Variants in IL5RA observed in about 807,000 individuals in gnomAD.
IL5RA encodes interleukin 5 receptor subunit alpha, also known as interleukin-5 receptor subunit alpha.
In IL5RA, 49 loss-of-function variants were observed where a neutral mutation model predicts 50.0. The observed-to-expected ratio is 0.98, with a 90% CI of 0.78 to 1.24. The LOEUF is 1.24. Among genes scored for constraint, IL5RA ranks in the 50% most tolerant of loss-of-function variants. IL5RA has a pLI of 0.00. For synonymous variants in IL5RA, 202 were observed against 174.0 expected (o/e 1.16, Z -1.26); for missense variants, 600 against 500.4 (o/e 1.20, Z -1.90).
At chr3:3,091,997 C>T (rs1703134659) in intron 9 of IL5RA, 7 of 1,224,684 alleles carry the variant, frequency 5.7e-6, no homozygotes, top group Non-Finnish European at 5.1e-6. Context: ...AAAACAGGCA[C>T]CAGGTCTAGG....
rs578208076 is a variant in IL5RA, at chr3:3,100,874, C to T, written c.367+818G>A. ...TATAACAAGTAAATGGGGCCGGACACGGTGGCTCATGTCTGTAACCCCAGC... is the reference window on the plus strand; with the variant it reads ...TATAACAAGTAAATGGGGCCGGACATGGTGGCTCATGTCTGTAACCCCAGC... On this transcript the variant is annotated intron_variant, in intron 5 of 11. Transcript: ENST00000446632. 4.6e-5 allele frequency among the ~76,000 whole-genome samples: 7 copies of T among 151,972 alleles called. No homozygotes were observed. The South Asian group carries it at 1.2e-3, about 27-fold the overall frequency.
intron 11 of IL5RA, among the ~76,000 whole-genome samples, chr3:3,074,089 A>G (rs1330824905): frequency 1.3e-5 from 2 of 152,270 alleles, no homozygotes; most frequent in Non-Finnish European, 2.9e-5. Flanking sequence ...TTGGAGAGCC[A>G]TAACTAAGTG....
In IL5RA at chr3:3,070,268, A is replaced by T. The variant is rs773138961; in HGVS notation, c.1220T>A (p.Ile407Lys). The change falls in exon 12 of 12, where the codon ATA becomes AAA. Residue 407 changes from isoleucine (I) to lysine (K), a missense_variant. Ile to Lys is a moderately radical substitution (Grantham distance 102). Transcript: ENST00000446632. ...SETEIEVICY[I>K]EKPGVETLED... is the part of the protein sequence containing the mutation. ...CAGGGTCTCAACTCCAGGCTTCTCT[A>T]TATAACAGATGACTTCAATTTCCGT... 1.9e-6 allele frequency: 3 copies of T among 1,613,490 alleles called. No individual in the cohort carries two copies. Among genetic ancestry groups the T allele is most frequent in the African/African-American group, 2.7e-5 (2 of 74,898 alleles).
intron 9 of IL5RA, among the ~76,000 whole-genome samples, chr3:3,083,580 C>T (rs925176077): frequency 1.3e-5 from 2 of 152,198 alleles, no homozygotes; most frequent in African/African-American, 4.8e-5. Flanking sequence ...TTCTTCTCTG[C>T]AGGCTTTCCC....
At chr3:3,089,690 G>A (rs565409665) in intron 9 of IL5RA, among the ~76,000 whole-genome samples, 19 of 151,482 alleles carry the variant, frequency 1.3e-4, no homozygotes, top group East Asian at 3.9e-4. Context: ...GTACAGTGGC[G>A]CAATCTTGGC....
At chr3:3,091,535 C>G (rs1321665930) in intron 9 of IL5RA, among the ~76,000 whole-genome samples, 2 of 152,126 alleles carry the variant, frequency 1.3e-5, no homozygotes, top group East Asian at 1.9e-4. Flanking sequence ...AGTTCGAGAC[C>G]AGCCTGACCA....
At chr3:3,105,072 T>A in intron 2 of IL5RA, 85 bp from the exon 3 acceptor site, 1 of 857,018 alleles carries the variant, frequency 1.2e-6, no homozygotes, top group South Asian at 1.5e-5. Flanking sequence ...TAAAATGCAG[T>A]CGTTTGGCCA....
chr3:3,098,510 C>T lies in IL5RA; in HGVS notation c.368-220G>A, dbSNP rs901301809. ...GCAACCTCTGCCTCCTGGCTTGGAG[C>T]GATTCTCGTGCCTCAGCCTCCCAAG... On this transcript the variant is annotated intron_variant, in intron 5 of 11. Transcript: ENST00000446632. 5.3e-5 allele frequency among the ~76,000 whole-genome samples: 8 copies of T among 151,982 alleles called. No homozygotes were observed. The East Asian group carries it at 5.8e-4, about 11-fold the overall frequency.
Position 3,101,769 on chromosome 3 carries a change from C to G in IL5RA, c.290G>C (p.Ser97Thr). The G allele has an allele frequency of 1.2e-6, 2 of 1,614,146 alleles. No individual in the cohort carries two copies. Among genetic ancestry groups the G allele is most frequent in the Non-Finnish European group, 8.5e-7 (1 of 1,179,992 alleles). The change falls in exon 5 of 12, where the codon AGT (serine) becomes ACT (threonine). Residue 97 changes from serine (S) to threonine (T), a missense_variant. By Grantham distance (58) the Ser-to-Thr change is moderately conservative (BLOSUM62 1). Transcript: ENST00000446632. Reference protein sequence around the residue: ...VTILHKGFSASVRTILQNDHS... With the variant: ...VTILHKGFSATVRTILQNDHS... Reference sequence around the variant, plus strand: ...GTCGTTCTGCAGGATGGTCCGCACACTTGCTGAAAAGCCTTTGTGGAGGAT... The same window carrying G: ...GTCGTTCTGCAGGATGGTCCGCACAGTTGCTGAAAAGCCTTTGTGGAGGAT...
intron 1 of IL5RA, among the ~76,000 whole-genome samples, chr3:3,109,378 C>A (rs1462261201): frequency 6.6e-6 from 1 of 152,118 alleles, no homozygotes; most frequent in Non-Finnish European, 1.5e-5. Flanking sequence ...GTTGTTGTTT[C>A]TTTATTTGTA....
At chr3:3,077,156 C>T (rs907590578) in intron 9 of IL5RA, among the ~76,000 whole-genome samples, 1 of 152,098 alleles carries the variant, frequency 6.6e-6, no homozygotes, top group Non-Finnish European at 1.5e-5. Context: ...TTCAAAGCAC[C>T]CCTTACCATT....
At chr3:3,071,552 AGTGTGTGTGT>A (rs55736610) in intron 11 of IL5RA, among the ~76,000 whole-genome samples, 2,024 of 136,044 alleles carry the variant, frequency 0.015, 23 homozygotes, top group East Asian at 0.019. Flanking sequence ...CTTCCTTCAC[AGTGTGTGTGT>A]GTGTGTGTGT....
intron 9 of IL5RA, among the ~76,000 whole-genome samples, chr3:3,085,460 G>A (rs759273012): frequency 7.2e-5 from 11 of 152,152 alleles, no homozygotes; most frequent in East Asian, 3.9e-4. Context: ...GGAGAGTGAC[G>A]GGATCAGGAG....
chr3:3,086,639 C>T (rs960233862), intron 9 of IL5RA, among the ~76,000 whole-genome samples: 4 of 151,876 alleles, frequency 2.6e-5, no homozygotes, highest in Non-Finnish European at 4.4e-5. Context: ...TCGAGACCAG[C>T]CTGGGCAACA....
chr3:3,077,630 G>A (rs571991772), intron 9 of IL5RA, among the ~76,000 whole-genome samples: 2 of 152,088 alleles, frequency 1.3e-5, no homozygotes, highest in East Asian at 1.9e-4. Context: ...TTAGCCAGGC[G>A]TGGTGGCAGG....
intron 9 of IL5RA, among the ~76,000 whole-genome samples, chr3:3,078,140 C>T (rs549714477): frequency 5.7e-4 from 87 of 152,260 alleles, no homozygotes; most frequent in African/African-American, 2.0e-3. Flanking sequence ...AGATTTCAAC[C>T]ACACCGCACC....
intron 3 of IL5RA, among the ~76,000 whole-genome samples, chr3:3,103,533 T>C (rs1703756393): frequency 6.6e-6 from 1 of 152,242 alleles, no homozygotes; most frequent in Non-Finnish European, 1.5e-5. Flanking sequence ...TGTATTTACC[T>C]CTTATTATGA....
In IL5RA at chr3:3,095,329, T is replaced by C; in HGVS notation, c.825A>G (p.Lys275=). The C allele has an allele frequency of 1.2e-6, 2 of 1,605,564 alleles. No individual in the cohort carries two copies. The highest frequency in any genetic ancestry group is 8.5e-7 in the Non-Finnish European group (1 of 1,172,890). Residue 275 remains lysine, a synonymous_variant, in exon 8 of 12, where the codon AAA becomes AAG. Transcript: ENST00000446632. ...FPIHCFDYEV[K]IHNTRNGYLQ... ...AATATCCATTCCTTGTATTGTGTAT[T>C]TTTACTTCATAATCAAAGCAATGGA...
chr3:3,072,374 G>A (rs774555340), intron 11 of IL5RA, among the ~76,000 whole-genome samples: 5 of 152,324 alleles, frequency 3.3e-5, no homozygotes, highest in Admixed American at 1.3e-4. Flanking sequence ...GAAGCCAGGC[G>A]CTGTGGAGTG....
Sources: gnomAD v4.1 joint callset for allele counts (sites outside exome capture counted in the v4.1 genomes callset) on GRCh38, gnomAD v4.1.1 for gene constraint, MANE v1.5 for transcripts, NCBI Gene and HGNC (gene_info 2026-07-23, HGNC 2026-07-21) for gene names.